TTC6: variants seen among roughly 807,000 people sequenced by gnomAD.
The protein encoded by TTC6 is tetratricopeptide repeat domain 6.
Under a neutral mutation model 210.4 loss-of-function variants are expected in TTC6, and 172 were observed. The ratio of observed to expected loss-of-function variants is 0.82; its 90% CI spans 0.72 to 0.93. TTC6 has a LOEUF of 0.93. Among genes scored for constraint, TTC6 ranks in the 40% least tolerant of loss-of-function variants. TTC6 has a pLI of 0.00. For synonymous variants in TTC6, 804 were observed against 819.6 expected, an observed-to-expected ratio of 0.98 and a Z score of 0.32; for missense variants, 2,414 against 2,318.1, an observed-to-expected ratio of 1.04 and a Z score of -0.85.
At chr14:37,806,578 G>T in intron 22 of TTC6, 68 bp downstream of exon 24, 1 of 1,379,762 alleles carries the variant, frequency 7.2e-7, no homozygotes, top group Non-Finnish European at 9.5e-7. Context: ...AATCTTTTAT[G>T]TGCCATTGTT....
Position 37,749,702 on chromosome 14 carries a change from T to C in TTC6, c.2827-12T>C, listed in dbSNP as rs2095946149. 1.5e-6 allele frequency: 2 copies of C among 1,354,184 alleles called. No individual in the cohort carries two copies. Among genetic ancestry groups the C allele is most frequent in the Non-Finnish European group, 1.9e-6 (2 of 1,053,368 alleles). The allele number at this position is 1,354,184 out of a possible 1,614,324, so 83.9% of individuals were successfully genotyped here. On this transcript the variant is annotated splice_polypyrimidine_tract_variant and intron_variant, in intron 11 of 30. Transcript: ENST00000553443. The stretch of plus-strand genomic sequence containing the variant: ...AATCAACTTTAACTGAATTTTTACA[T>C]ATATTTTCTAGGTAATACTCTTGGA...
chr14:37,734,302 T>C (rs1054504816), intron 7 of TTC6, among the ~76,000 whole-genome samples: 2 of 152,198 alleles, frequency 1.3e-5, no homozygotes, highest in African/African-American at 4.8e-5. Flanking sequence ...TTATATATAA[T>C]TGGGATGTAT....
rs113905674 is a variant in TTC6, at chr14:37,722,157, C to G, written c.1714-2741C>G. Among the ~76,000 whole-genome samples, 502 of 151,964 alleles carry G rather than the reference C, an allele frequency of 3.3e-3. 8 individuals carry two copies. Among genetic ancestry groups the G allele is most frequent in the African/African-American group, 0.011 (448 of 41,450 alleles). ...ATGAACAAGAGTTATTGCATCAGCT[C>G]GTAGTATGCATCATGGCCTTAGGAG... On this transcript the variant is annotated intron_variant, in intron 6 of 30. Coordinates refer to ENST00000553443, the Ensembl canonical transcript of TTC6.
intron 29 of TTC6, among the ~76,000 whole-genome samples, chr14:37,831,939 A>G (rs1036595680): frequency 7.2e-5 from 11 of 152,274 alleles, no homozygotes; most frequent in East Asian, 3.9e-4. Flanking sequence ...TCAGCTTGAT[A>G]TAAACCCACT....
intron 14 of TTC6, among the ~76,000 whole-genome samples, chr14:37,773,168 C>G (rs1396388396): frequency 6.6e-6 from 1 of 152,038 alleles, no homozygotes; most frequent in African/African-American, 2.4e-5. Context: ...GGATATTAGA[C>G]CTTTGTCAGA....
intron 6 of TTC6, among the ~76,000 whole-genome samples, chr14:37,719,358 T>A (rs189240628): frequency 8.5e-4 from 130 of 152,224 alleles, no homozygotes; most frequent in Non-Finnish European, 1.6e-3. Flanking sequence ...ACAAGAGTAT[T>A]CTAAAGTTTG....
intron 17 of TTC6, among the ~76,000 whole-genome samples, chr14:37,794,054 G>A (rs2096086569): frequency 6.6e-6 from 1 of 152,186 alleles, no homozygotes; most frequent in Non-Finnish European, 1.5e-5. Context: ...CTACCTGGTA[G>A]TGGTCTAATG....
At chr14:37,754,437 CTT>C (rs1225609590) in intron 14 of TTC6, among the ~76,000 whole-genome samples, 4 of 145,806 alleles carry the variant, frequency 2.7e-5, no homozygotes, top group Admixed American at 6.9e-5. Flanking sequence ...TTCTTTCTTT[CTT>C]TTTTTTTTTT....
intron 15 of TTC6, among the ~76,000 whole-genome samples, chr14:37,790,465 A>T (rs1280352694): frequency 6.6e-6 from 1 of 152,166 alleles, no homozygotes; most frequent in African/African-American, 2.4e-5. Context: ...ACTATGCTAG[A>T]TTCCAATCAG....
chr14:37,742,254 G>C (rs899371851), intron 10 of TTC6, among the ~76,000 whole-genome samples: 2 of 152,120 alleles, frequency 1.3e-5, no homozygotes, highest in Admixed American at 6.5e-5. Flanking sequence ...CTGCTCCTGC[G>C]AGTGACCCTG....
chr14:37,735,938 A>T, exon 8 of TTC6: 1 of 1,532,802 alleles, frequency 6.5e-7, no homozygotes, highest in Non-Finnish European at 8.7e-7. Context: ...AAGCAAGCAG[A>T]CTTTTAACTG....
chr14:37,772,269 C>T (rs2096021694), intron 14 of TTC6: 1 of 153,640 alleles, frequency 6.5e-6, no homozygotes, highest in Non-Finnish European at 1.4e-5. Context: ...TTGTCTGTGC[C>T]CTGCCCCCAG....
chr14:37,790,079 G>A (rs1022129266), intron 15 of TTC6, among the ~76,000 whole-genome samples: 7 of 152,074 alleles, frequency 4.6e-5, no homozygotes, highest in Non-Finnish European at 8.8e-5. Context: ...GGATTACTGA[G>A]AGGAGGTTCT....
chr14:37,649,391 G>A (rs1484318059), intron 1 of TTC6, among the ~76,000 whole-genome samples: 1 of 152,076 alleles, frequency 6.6e-6, no homozygotes, highest in Non-Finnish European at 1.5e-5. Flanking sequence ...GCCCTGGGGA[G>A]CTGGGTATAA....
At chr14:37,605,468 GGTGA>G (rs3062728) in intron 1 of TTC6, among the ~76,000 whole-genome samples, 84,309 of 151,330 alleles carry the variant, frequency 0.56, 24,181 homozygotes, top group East Asian at 0.86. Context: ...TTGGTATGTG[GGTGA>G]GTGAGTATGG....
At chr14:37,765,493 C>T (rs2139133677) in intron 14 of TTC6, among the ~76,000 whole-genome samples, 1 of 152,190 alleles carries the variant, frequency 6.6e-6, no homozygotes, top group African/African-American at 2.4e-5. Flanking sequence ...AAATTACATC[C>T]TTATACATTG....
At chr14:37,783,205 T>C (rs979029916) in intron 14 of TTC6, among the ~76,000 whole-genome samples, 2 of 152,188 alleles carry the variant, frequency 1.3e-5, no homozygotes, top group Non-Finnish European at 2.9e-5. Flanking sequence ...GAAGGAAGGG[T>C]ACCAGCTCCT....
intron 14 of TTC6, among the ~76,000 whole-genome samples, chr14:37,766,387 A>G (rs2095999495): frequency 6.6e-6 from 1 of 152,238 alleles, no homozygotes; most frequent in Admixed American, 6.5e-5. Flanking sequence ...GTAGAACCCC[A>G]TGTCTATTGT....
intron 1 of TTC6, among the ~76,000 whole-genome samples, chr14:37,672,655 C>A (rs1022501702): frequency 4.6e-5 from 7 of 152,038 alleles, no homozygotes; most frequent in Non-Finnish European, 8.8e-5. Flanking sequence ...CCTTCTGAAA[C>A]GAAAAGTCTG....
Sources: gnomAD v4.1 joint callset for allele counts (sites outside exome capture counted in the v4.1 genomes callset) on GRCh38, gnomAD v4.1.1 for gene constraint, MANE v1.5 for transcripts, NCBI Gene and HGNC (gene_info 2026-07-23, HGNC 2026-07-21) for gene names.